The following C4orf51 variants were observed in gnomAD, a reference collection of about 807,000 sequenced individuals.
C4orf51 encodes chromosome 4 open reading frame 51, also known as uncharacterized protein C4orf51.
C4orf51 carries 25 observed loss-of-function variants against 25.2 expected under a neutral mutation model. That is an observed-to-expected ratio of 0.99 (90% confidence interval 0.72 to 1.39). The LOEUF is 1.39. C4orf51 is among the 40% of genes most tolerant of loss of function. C4orf51 has a pLI of 0.00. For missense variants in C4orf51, 252 were observed against 239.6 expected (o/e 1.05, Z -0.34); for synonymous variants, 100 against 84.5 (o/e 1.18, Z -1.01).
the C4orf51 span, chr4:145,776,091 T>C: frequency 5.0e-6 from 5 of 1,003,160 alleles, no homozygotes; most frequent in South Asian, 4.8e-5. Flanking sequence ...ACAATGGTAA[T>C]GCCTAGGAAT....
At chr4:145,760,793 C>A (rs1408850500) in intron 1 of C4orf51, 1 of 1,171,870 alleles carries the variant, frequency 8.5e-7, no homozygotes, top group East Asian at 6.1e-5. Flanking sequence ...ACAGTCTCTG[C>A]TCTTTCTCTC....
At chr4:145,776,221 C>T in the C4orf51 span, among the ~76,000 whole-genome samples, 1 of 152,102 alleles carries the variant, frequency 6.6e-6, no homozygotes, top group Non-Finnish European at 1.5e-5. Flanking sequence ...GTTTGGGAGG[C>T]TAAGACAGAA....
At chr4:145,682,437 A>G (rs546373626) in intron 1 of C4orf51, among the ~76,000 whole-genome samples, 1 of 152,342 alleles carries the variant, frequency 6.6e-6, no homozygotes, top group Non-Finnish European at 1.5e-5. Context: ...TTAAAATTCC[A>G]TAAGGCTATA....
chr4:145,681,156 A>T (rs1728816590), intron 1 of C4orf51, among the ~76,000 whole-genome samples: 1 of 152,334 alleles, frequency 6.6e-6, no homozygotes, highest in East Asian at 1.9e-4. Flanking sequence ...CATTTGAGAA[A>T]GTATAAGTGG....
intron 2 of C4orf51, among the ~76,000 whole-genome samples, chr4:145,725,613 A>G (rs1423889284): frequency 6.6e-6 from 1 of 152,100 alleles, no homozygotes; most frequent in Admixed American, 6.6e-5. Flanking sequence ...AAAAAAGAAC[A>G]AAATACTAAA....
intron 1 of C4orf51, among the ~76,000 whole-genome samples, chr4:145,681,748 A>G (rs149611600): frequency 6.6e-6 from 1 of 152,328 alleles, no homozygotes; most frequent in African/African-American, 2.4e-5. Context: ...GAGAGATACC[A>G]GAAACTGAAC....
At chr4:145,731,932 C>G (rs538071137) in intron 5 of C4orf51, among the ~76,000 whole-genome samples, 1 of 152,106 alleles carries the variant, frequency 6.6e-6, no homozygotes, top group African/African-American at 2.4e-5. Flanking sequence ...TGGAGGAGAA[C>G]AAGCACTGAG....
intron 1 of C4orf51, among the ~76,000 whole-genome samples, chr4:145,743,625 A>G (rs1215240637): frequency 6.6e-6 from 1 of 152,232 alleles, no homozygotes; most frequent in African/African-American, 2.4e-5. Flanking sequence ...TGCTGCTAGA[A>G]TTATCTTCCT....
downstream of C4orf51, among the ~76,000 whole-genome samples, chr4:145,737,663 A>G (rs1732876270): frequency 6.6e-6 from 1 of 152,148 alleles, no homozygotes; most frequent in South Asian, 2.1e-4. Flanking sequence ...ATAGAACTCT[A>G]AGTTCAAATT....
downstream of C4orf51, chr4:145,758,553 C>T (rs1275978793): frequency 3.3e-5 from 5 of 152,118 alleles, no homozygotes; most frequent in Non-Finnish European, 7.3e-5. Context: ...GCACATTCTC[C>T]ATTATATGGG....
At position 145,765,170 on chromosome 4, in the gene C4orf51, A is replaced by G; in HGVS notation, n.167-5818A>G. 6.3e-7 allele frequency: 1 copy of G among 1,598,422 alleles called. No homozygotes were observed. Among genetic ancestry groups the G allele is most frequent in the Non-Finnish European group, 8.5e-7 (1 of 1,172,012 alleles). ...TGCAAAAAACACATTCGAACCCTGC[A>G]AGGACCGAAGCTGGGTATAGAGGTG... On this transcript the variant is annotated intron_variant and non_coding_transcript_variant, in intron 1 of 1. Coordinates refer to the C4orf51 transcript ENST00000510096. This position sits in a 1 kb window ranked among gnomAD's most constrained non-coding sequence, Gnocchi z 4.7.
intron 2 of C4orf51, among the ~76,000 whole-genome samples, chr4:145,715,199 C>G (rs558358844): frequency 6.6e-6 from 1 of 152,304 alleles, no homozygotes; most frequent in South Asian, 2.1e-4. Flanking sequence ...TCCCAAGCAG[C>G]TCATGGGTGG....
At chr4:145,791,612 T>G in the C4orf51 span, among the ~76,000 whole-genome samples, 1 of 152,226 alleles carries the variant, frequency 6.6e-6, no homozygotes, top group Admixed American at 6.5e-5. Flanking sequence ...TATTATATCA[T>G]TCTCAATAAT....
At chr4:145,768,455 G>A (rs1215464092) in intron 1 of C4orf51, among the ~76,000 whole-genome samples, 3 of 152,064 alleles carry the variant, frequency 2.0e-5, no homozygotes, top group Non-Finnish European at 2.9e-5. Flanking sequence ...ATGAGCCACC[G>A]TACCTGGCCT....
rs770599323 is a variant in C4orf51, at chr4:145,763,317, C to T, written n.167-7671C>T. On this transcript the variant is annotated intron_variant and non_coding_transcript_variant, in intron 1 of 1. Coordinates refer to the C4orf51 transcript ENST00000510096. This position sits in a 1 kb window ranked among gnomAD's most constrained non-coding sequence, Gnocchi z 4.6. ...AAGTGCTAAGGGTTTTCCGTGCTCC[C>T]GTTATTTTCTTAAAGACACTCTCTC... 1.3e-5 allele frequency among the ~76,000 whole-genome samples: 2 copies of T among 152,168 alleles called. No homozygotes were observed. The highest frequency in any genetic ancestry group is 2.4e-5 in the African/African-American group (1 of 41,430).
At chr4:145,785,493 T>C in the C4orf51 span, among the ~76,000 whole-genome samples, 1 of 152,132 alleles carries the variant, frequency 6.6e-6, no homozygotes, top group Non-Finnish European at 1.5e-5. Context: ...TTCAGGAGGA[T>C]AAAAATGAAG....
intron 1 of C4orf51, chr4:145,760,901 TG>T: frequency 8.1e-7 from 1 of 1,232,974 alleles, no homozygotes. Flanking sequence ...AAGTGGTTCT[TG>T]GGGTATAACA....
chr4:145,699,054 C>G lies in C4orf51; in HGVS notation c.307+2422C>G, dbSNP rs530479583. 5.3e-5 allele frequency among the ~76,000 whole-genome samples: 8 copies of G among 151,492 alleles called. No homozygotes were observed. In the East Asian group the frequency reaches 1.6e-3, roughly 29 times the overall value. ...GGCTCATTCTGGCTCAAATAGCACC[C>G]CCATTGAGCACCTTGCAACCCCCAC... On this transcript the variant is annotated intron_variant, in intron 2 of 5. Coordinates refer to ENST00000438731, the MANE Select transcript of C4orf51 (RefSeq NM_001080531.3).
At chr4:145,726,996 CT>C in intron 3 of C4orf51, 27 bp downstream of exon 3, 1 of 1,585,382 alleles carries the variant, frequency 6.3e-7, no homozygotes, top group Non-Finnish European at 8.7e-7. Flanking sequence ...TCAGCAATCT[CT>C]TACCTGTAGA....
Sources: allele counts gnomAD v4.1 joint callset (sites outside exome capture counted in the v4.1 genomes callset), GRCh38; gene constraint gnomAD v4.1.1; non-coding constraint Gnocchi (gnomAD v3.1); transcripts MANE v1.5; gene names NCBI Gene and HGNC (gene_info 2026-07-23, HGNC 2026-07-21).